The following PCDH15 variants were observed in gnomAD, a reference collection of about 807,000 sequenced individuals.
PCDH15 encodes the protein protocadherin-15.
Under a neutral mutation model 178.5 loss-of-function variants are expected in PCDH15, and 129 were observed. The observed-to-expected ratio is 0.72, with a 90% confidence interval of 0.63 to 0.84. The LOEUF (loss-of-function observed/expected upper bound fraction) is 0.84. PCDH15 is among the 40% of genes least tolerant of loss of function. PCDH15 has a pLI of 0.00. For synonymous variants in PCDH15, 800 were observed against 732.0 expected (o/e 1.09, Z -1.50); for missense variants, 2,230 against 2,099.9 (o/e 1.06, Z -1.21).
At chr10:55,091,802 C>A (rs1242357536) in intron 2 of PCDH15, among the ~76,000 whole-genome samples, 1 of 151,860 alleles carries the variant, frequency 6.6e-6, no homozygotes, top group Non-Finnish European at 1.5e-5. Flanking sequence ...TATTACCTAA[C>A]TTGGTAAGGA....
intron 15 of PCDH15, among the ~76,000 whole-genome samples, chr10:54,095,606 G>T (rs2094686590): frequency 1.3e-5 from 2 of 152,014 alleles, no homozygotes; most frequent in Admixed American, 1.3e-4. Flanking sequence ...ATGATCTTTT[G>T]CCCAGGAAGC....
chr10:55,125,676 G>A (rs749474076), intron 2 of PCDH15, among the ~76,000 whole-genome samples: 16 of 152,024 alleles, frequency 1.1e-4, no homozygotes, highest in Non-Finnish European at 2.4e-4. Flanking sequence ...AGGTCTTCAT[G>A]GTACCAATGT....
At chr10:54,115,810 C>G (rs546926849) in intron 15 of PCDH15, among the ~76,000 whole-genome samples, 1 of 152,278 alleles carries the variant, frequency 6.6e-6, no homozygotes, top group African/African-American at 2.4e-5. Flanking sequence ...AAAACCCAAC[C>G]TACAAAAGAT....
intron 2 of PCDH15, among the ~76,000 whole-genome samples, chr10:55,069,259 T>C (rs1386332283): frequency 2.1e-5 from 3 of 145,798 alleles, no homozygotes; most frequent in Non-Finnish European, 4.5e-5. Context: ...TTTTTTTTTT[T>C]TTTTTTCATG....
rs1340969029 is a variant in PCDH15 at position 54,744,228 on chromosome 10, A to G, written c.-29+56697T>C. On this transcript the variant is annotated intron_variant, in intron 1 of 37. Transcript: ENST00000644397. ...GCTACTTGAGTGACTATAAAAGTGG[A>G]CCCATCACTGGTTGAACCTTGGGAT... Among the ~76,000 whole-genome samples the G allele has an allele frequency of 2.0e-5, 3 of 152,170 alleles. No individual in the cohort carries two copies. The East Asian group carries it at 5.8e-4, about 29-fold the overall frequency.
chr10:55,495,967 C>T (rs539578553), intron 2 of PCDH15, among the ~76,000 whole-genome samples: 1 of 151,814 alleles, frequency 6.6e-6, no homozygotes, highest in East Asian at 2.0e-4. Context: ...TTACAATAGG[C>T]AAATCTATAA....
chr10:55,379,370 A>G (rs1857315), intron 2 of PCDH15, among the ~76,000 whole-genome samples: 2,029 of 152,170 alleles, frequency 0.013, 42 homozygotes, highest in African/African-American at 0.045. Context: ...AAAGGGTAAA[A>G]GAGAAAAAGT....
intron 20 of PCDH15, among the ~76,000 whole-genome samples, chr10:53,998,178 T>A (rs1284745301): frequency 6.6e-6 from 1 of 152,276 alleles, no homozygotes; most frequent in South Asian, 2.1e-4. Flanking sequence ...CAAAAAGAAA[T>A]ATTTCCTCCT....
intron 1 of PCDH15, among the ~76,000 whole-genome samples, chr10:55,255,117 A>C (rs1841955610): frequency 6.6e-6 from 1 of 152,070 alleles, no homozygotes. Context: ...TCCACCCCAC[A>C]ACAGGCCCCA....
At chr10:54,596,637 T>C (rs2092255170) in intron 2 of PCDH15, among the ~76,000 whole-genome samples, 1 of 152,050 alleles carries the variant, frequency 6.6e-6, no homozygotes. Flanking sequence ...ATTTTCCCAA[T>C]TAAAAGGCAC....
intron 13 of PCDH15, among the ~76,000 whole-genome samples, chr10:54,177,849 T>C (rs10490980): frequency 0.43 from 66,073 of 151,946 alleles, 16,004 homozygotes; most frequent in African/African-American, 0.63. Flanking sequence ...GATTAGTTAA[T>C]GTATTTTTGG....
chr10:55,548,970 T>C (rs2132085496), intron 2 of PCDH15, among the ~76,000 whole-genome samples: 1 of 152,168 alleles, frequency 6.6e-6, no homozygotes, highest in Middle Eastern at 3.2e-3. Context: ...TTTTAACCTG[T>C]TTAACACATT....
At chr10:53,901,111 C>A (rs1054546592) in intron 26 of PCDH15, among the ~76,000 whole-genome samples, 1 of 152,076 alleles carries the variant, frequency 6.6e-6, no homozygotes, top group African/African-American at 2.4e-5. Context: ...TATCCCCAAA[C>A]CCTTCTTCTC....
At chr10:55,442,324 C>T (rs1056909797) in intron 2 of PCDH15, among the ~76,000 whole-genome samples, 2 of 149,410 alleles carry the variant, frequency 1.3e-5, no homozygotes, top group Non-Finnish European at 3.0e-5. Flanking sequence ...TCCATTAATT[C>T]AGCGATGAGA....
At chr10:54,724,533 A>G (rs996602421) in intron 1 of PCDH15, among the ~76,000 whole-genome samples, 6 of 151,644 alleles carry the variant, frequency 4.0e-5, no homozygotes, top group Non-Finnish European at 5.9e-5. Context: ...CTAAAATAAA[A>G]TTAAAATTAA....
intron 2 of PCDH15, among the ~76,000 whole-genome samples, chr10:55,557,539 G>A (rs1193284256): frequency 6.6e-6 from 1 of 152,060 alleles, no homozygotes; most frequent in African/African-American, 2.4e-5. Flanking sequence ...TGCATGAGAC[G>A]ATAGCCCCCT....
At chr10:53,962,369 T>C (rs1296125225) in intron 21 of PCDH15, among the ~76,000 whole-genome samples, 4 of 152,118 alleles carry the variant, frequency 2.6e-5, no homozygotes, top group Admixed American at 2.6e-4. Context: ...TGTGCAACCA[T>C]GCTTGGCTAA....
At chr10:55,605,003 A>G (rs866164087) in intron 2 of PCDH15, among the ~76,000 whole-genome samples, 1 of 152,204 alleles carries the variant, frequency 6.6e-6, no homozygotes, top group African/African-American at 2.4e-5. Context: ...CACTAGCAAG[A>G]CTAATAAAGA....
chr10:55,250,088 T>C (rs1466432521), intron 1 of PCDH15, among the ~76,000 whole-genome samples: 1 of 152,094 alleles, frequency 6.6e-6, no homozygotes, highest in African/African-American at 2.4e-5. Flanking sequence ...TAATTTTGTT[T>C]TTCTTATTCT....
Sources: gnomAD v4.1 joint callset for allele counts (sites outside exome capture counted in the v4.1 genomes callset) on GRCh38, gnomAD v4.1.1 for gene constraint, MANE v1.5 for transcripts, NCBI Gene and HGNC (gene_info 2026-07-23, HGNC 2026-07-21) for gene names.